Variants in TLK2 observed in about 807,000 individuals in gnomAD.
The protein encoded by TLK2 is tousled like kinase 2.
In TLK2, 6 loss-of-function variants were observed where a neutral mutation model predicts 117.3. The ratio of observed to expected loss-of-function variants is 0.05; its 90% CI spans 0.03 to 0.10. The LOEUF (loss-of-function observed/expected upper bound fraction) is 0.10, where lower values mean the gene tolerates loss of function less well. Ranked by LOEUF, TLK2 falls within the 10% of genes least tolerant of loss-of-function variation. TLK2 has a pLI of 1.00. For missense variants in TLK2, 299 were observed against 901.2 expected (o/e 0.33, Z 8.56); for synonymous variants, 257 against 316.7 (o/e 0.81, Z 2.00).
At position 62,612,767 on chromosome 17, in the gene TLK2, C is replaced by G; in HGVS notation, c.*202C>G. 4.7e-6 allele frequency: 2 copies of G among 428,374 alleles called. No individual in the cohort carries two copies. Among genetic ancestry groups the G allele is most frequent in the Admixed American group, 8.7e-5 (2 of 22,902 alleles). The allele number at this position is 428,374 out of a possible 1,614,324, so 26.5% of individuals were successfully genotyped here. A position where few individuals can be genotyped will look rare whatever the true frequency, so the allele number is the denominator to read the frequency against. On this transcript the variant is annotated 3_prime_UTR_variant, in exon 22 of 22. Coordinates refer to ENST00000346027, the MANE Select transcript of TLK2 (RefSeq NM_006852.6). ...AAACCTTGGGCAGCTCCGGCCAGGCCTTGTAGGAAAAGGCCCCGCCCGAGG... is the reference window on the plus strand; with the variant it reads ...AAACCTTGGGCAGCTCCGGCCAGGCGTTGTAGGAAAAGGCCCCGCCCGAGG...
intron 15 of TLK2, among the ~76,000 whole-genome samples, chr17:62,584,063 T>A (rs967855430): frequency 6.6e-6 from 1 of 151,186 alleles, no homozygotes; most frequent in African/African-American, 2.4e-5. Context: ...ATAGCATTGG[T>A]GCTCTTATAA....
At chr17:62,527,831 C>CT (rs1257822072) in intron 6 of TLK2, among the ~76,000 whole-genome samples, 1 of 152,038 alleles carries the variant, frequency 6.6e-6, no homozygotes, top group Non-Finnish European at 1.5e-5. Context: ...CAACCTCCGC[C>CT]TTCCAGTTTC....
chr17:62,487,168 T>G (rs930622731), intron 2 of TLK2, among the ~76,000 whole-genome samples: 3 of 152,046 alleles, frequency 2.0e-5, no homozygotes, highest in African/African-American at 7.2e-5. Context: ...GGCATGTGCC[T>G]GTAATCCCAG....
intron 2 of TLK2, among the ~76,000 whole-genome samples, chr17:62,481,504 T>G (rs940236400): frequency 3.3e-5 from 5 of 152,232 alleles, no homozygotes; most frequent in African/African-American, 1.2e-4. Context: ...TATGCCATAT[T>G]TTGTTAAAAC....
In TLK2 at chr17:62,560,763, C is replaced by T. The variant is rs187608832; in HGVS notation, c.831+637C>T. On this transcript the variant is annotated intron_variant, in intron 10 of 21. Coordinates refer to ENST00000346027, the MANE Select transcript of TLK2 (RefSeq NM_006852.6). ...TCGCCTCCCAGATTCAAGCAATTCTCCTGCCTCAGCCTCCTGAGTAGCTGG... is the reference window on the plus strand; with the variant it reads ...TCGCCTCCCAGATTCAAGCAATTCTTCTGCCTCAGCCTCCTGAGTAGCTGG... Among the ~76,000 whole-genome samples the T allele has an allele frequency of 5.3e-4, 80 of 151,662 alleles. 1 individual carries two copies. Among genetic ancestry groups the T allele is most frequent in the Middle Eastern group, 6.8e-3 (2 of 294 alleles).
At chr17:62,558,368 G>T (rs2079018748) in intron 9 of TLK2, among the ~76,000 whole-genome samples, 1 of 152,078 alleles carries the variant, frequency 6.6e-6, no homozygotes, top group Non-Finnish European at 1.5e-5. Flanking sequence ...TTGCCATGTT[G>T]CCGAGGCTGG....
At chr17:62,538,632 C>T (rs772174064) in intron 7 of TLK2, among the ~76,000 whole-genome samples, 47 of 152,142 alleles carry the variant, frequency 3.1e-4, no homozygotes, top group African/African-American at 9.9e-4. Flanking sequence ...TATCAGCTGA[C>T]GCACTCCGTT....
At chr17:62,487,983 A>C (rs1270553417) in intron 2 of TLK2, among the ~76,000 whole-genome samples, 1 of 151,590 alleles carries the variant, frequency 6.6e-6, no homozygotes, top group African/African-American at 2.4e-5. Flanking sequence ...CTTGTCGCCC[A>C]GGCTGGAGTG....
At chr17:62,578,424 C>T (rs753648292) in intron 13 of TLK2, 53 bp from the exon 14 acceptor site, 43 of 1,454,226 alleles carry the variant, frequency 3.0e-5, no homozygotes, top group African/African-American at 7.0e-5. Flanking sequence ...AATAAGATCC[C>T]GAAAAGGTAA....
At chr17:62,565,690 C>G (rs1288241543) in intron 11 of TLK2, among the ~76,000 whole-genome samples, 1 of 144,982 alleles carries the variant, frequency 6.9e-6, no homozygotes, top group Non-Finnish European at 1.5e-5. Context: ...TGCATTAAAA[C>G]TTAAAAGAAT....
chr17:62,493,279 T>C (rs2073302208), intron 2 of TLK2, among the ~76,000 whole-genome samples: 1 of 152,246 alleles, frequency 6.6e-6, no homozygotes, highest in Non-Finnish European at 1.5e-5. Flanking sequence ...GAAGTTTATC[T>C]GTGTTGTAGT....
intron 19 of TLK2, among the ~76,000 whole-genome samples, chr17:62,604,097 C>T (rs1024777654): frequency 2.6e-5 from 4 of 151,752 alleles, no homozygotes; most frequent in South Asian, 2.1e-4. Context: ...CTCCGCCTCC[C>T]GAGTTCAAGT....
chr17:62,573,068 A>G, intron 11 of TLK2, 147 bp from the exon 12 acceptor site: 1 of 836,194 alleles, frequency 1.2e-6, no homozygotes, highest in Non-Finnish European at 1.8e-6. Context: ...GGCCCTTCCA[A>G]TCTGAAGTTA....
In TLK2 at chr17:62,565,077, G is replaced by A; in HGVS notation, c.908G>A (p.Arg303Gln). The change falls in exon 11 of 22, where the codon CGA (arginine) becomes CAA (glutamine). Residue 303 changes from arginine to glutamine, a missense_variant. Transcript: ENST00000346027. ...AGACTGGGCCACTTTACTACTGTCC[G>A]ACACGGAGCCTCATTTACTGAACAG... ...RLRLGHFTTV[R>Q]HGASFTEQWT... 2 of 1,614,080 alleles carry A rather than the reference G, an allele frequency of 1.2e-6. No homozygotes were observed. The highest frequency in any genetic ancestry group is 8.5e-7 in the Non-Finnish European group (1 of 1,179,992).
At chr17:62,584,503 T>C (rs907903032) in intron 15 of TLK2, among the ~76,000 whole-genome samples, 3 of 152,132 alleles carry the variant, frequency 2.0e-5, no homozygotes, top group African/African-American at 7.2e-5. Context: ...GAAGATTCTT[T>C]AAGAAAAGAA....
intron 11 of TLK2, 39 bp from the exon 12 acceptor site, chr17:62,573,176 T>C (rs948495788): frequency 1.3e-6 from 2 of 1,575,964 alleles, no homozygotes; most frequent in Non-Finnish European, 1.7e-6. Flanking sequence ...GTAAAACTTT[T>C]GACTTTCTTT....
upstream of TLK2, among the ~76,000 whole-genome samples, chr17:62,474,277 ACT>A (rs556842190): frequency 1.7e-4 from 26 of 151,230 alleles, no homozygotes; most frequent in East Asian, 5.1e-3. Flanking sequence ...ACGGGGTTTC[ACT>A]GTGTTAGCCA....
chr17:62,519,881 T>C (rs1352850110), intron 2 of TLK2, among the ~76,000 whole-genome samples: 2 of 152,202 alleles, frequency 1.3e-5, no homozygotes, highest in Non-Finnish European at 2.9e-5. Context: ...CAGTCTAGGC[T>C]GTATCTTCAT....
chr17:62,479,871 C>T (rs1464051204), intron 1 of TLK2, among the ~76,000 whole-genome samples: 1 of 152,232 alleles, frequency 6.6e-6, no homozygotes, highest in Non-Finnish European at 1.5e-5. Flanking sequence ...AGACTGCAAC[C>T]TTTGCCATTC....
Sources: allele counts gnomAD v4.1 joint callset (sites outside exome capture counted in the v4.1 genomes callset), GRCh38; gene constraint gnomAD v4.1.1; transcripts MANE v1.5; gene names NCBI Gene and HGNC (gene_info 2026-07-23, HGNC 2026-07-21).